MICOS10: variants seen among roughly 807,000 people sequenced by gnomAD.
MICOS10 encodes the protein mitochondrial contact site and cristae organizing system subunit 10, also known as MICOS complex subunit MIC10.
A neutral mutation model predicts 13.4 loss-of-function variants in MICOS10; 5 were observed. That is an observed-to-expected ratio of 0.37 (90% CI 0.20 to 0.78). The LOEUF is 0.78. Among genes scored for constraint, MICOS10 ranks in the 30% least tolerant of loss-of-function variants. The probability of loss-of-function intolerance (pLI) is 0.47; values close to 1 mark genes in which losing one functional copy is unlikely to be tolerated. For missense variants in MICOS10, 101 were observed against 94.6 expected (o/e 1.07, Z -0.28); for synonymous variants, 35 against 33.6 (o/e 1.04, Z -0.15).
In MICOS10 at chr1:19,597,042, G is replaced by A; in HGVS notation, c.-4G>A. The A allele has an allele frequency of 6.3e-7, 1 of 1,587,410 alleles. No individual in the cohort carries two copies. On this transcript the variant is annotated 5_prime_UTR_variant, in exon 1 of 4. Transcript: ENST00000322753. ...GAGGAAAGCTGGAGGCGCGGGTGGG[G>A]AACATGTCTGAGTCGGAGCTCGGCA...
chr1:19,617,136 T>A (rs996123781), intron 1 of MICOS10: 5 of 235,140 alleles, frequency 2.1e-5, no homozygotes. Flanking sequence ...CACACTCATT[T>A]AAAAGGACCC....
chr1:19,623,446 T>C, intron 2 of MICOS10, 28 bp from the exon 3 acceptor site: 1 of 1,412,518 alleles, frequency 7.1e-7, no homozygotes, highest in Middle Eastern at 2.5e-4. Context: ...TAATTCCCTA[T>C]TGGGATTTTC....
At chr1:19,608,978 G>T (rs925732304) in intron 1 of MICOS10, among the ~76,000 whole-genome samples, 1 of 141,172 alleles carries the variant, frequency 7.1e-6, no homozygotes, top group African/African-American at 2.6e-5. Flanking sequence ...TTTAAGATGT[G>T]AGCCACTTTT....
chr1:19,601,721 A>G (rs796094055), intron 1 of MICOS10, among the ~76,000 whole-genome samples: 3 of 152,302 alleles, frequency 2.0e-5, no homozygotes, highest in African/African-American at 4.8e-5. Context: ...GAACTGATAA[A>G]TTAAGCCCAT....
intron 1 of MICOS10, among the ~76,000 whole-genome samples, chr1:19,598,759 A>G (rs1297443420): frequency 1.3e-5 from 2 of 152,278 alleles, no homozygotes; most frequent in East Asian, 1.9e-4. Flanking sequence ...ATGGTGATCA[A>G]AAGAGATTTA....
intron 1 of MICOS10, among the ~76,000 whole-genome samples, chr1:19,613,178 G>A (rs970356284): frequency 8.5e-5 from 13 of 152,212 alleles, no homozygotes; most frequent in Non-Finnish European, 1.8e-4. Flanking sequence ...AGAAGGGTCT[G>A]AAGTCTGGAC....
At chr1:19,609,879 T>C (rs1240945470) in intron 1 of MICOS10, among the ~76,000 whole-genome samples, 1 of 152,232 alleles carries the variant, frequency 6.6e-6, no homozygotes, top group East Asian at 1.9e-4. Flanking sequence ...GCACGGTGGC[T>C]CATGCCTGTA....
chr1:19,597,178 G>A, intron 1 of MICOS10, 69 bp downstream of exon 1: 1 of 1,508,728 alleles, frequency 6.6e-7, no homozygotes, highest in Non-Finnish European at 9.0e-7. Flanking sequence ...CGCTGCCCAG[G>A]AGGAAGGAAG....
chr1:19,611,967 T>C (rs1162386084), intron 1 of MICOS10, among the ~76,000 whole-genome samples: 1 of 93,848 alleles, frequency 1.1e-5, no homozygotes, highest in Non-Finnish European at 1.9e-5. Context: ...TGAGGCTCCA[T>C]CTCAAAAAAA....
chr1:19,608,932 G>GCAATCCTCCTGC (rs1242811926), intron 1 of MICOS10, among the ~76,000 whole-genome samples: 1 of 142,932 alleles, frequency 7.0e-6, no homozygotes, highest in African/African-American at 2.5e-5. Context: ...CTGGCCTCAA[G>GCAATCCTCCTGC]CAATCCTCCT....
chr1:19,622,710 T>A (rs1157718892), intron 2 of MICOS10, among the ~76,000 whole-genome samples: 2 of 152,172 alleles, frequency 1.3e-5, no homozygotes, highest in African/African-American at 4.8e-5. Flanking sequence ...AATTAACACA[T>A]AGTGCTGATA....
intron 1 of MICOS10, among the ~76,000 whole-genome samples, chr1:19,616,311 T>C (rs2094884388): frequency 2.0e-5 from 3 of 152,318 alleles, no homozygotes; most frequent in Admixed American, 2.0e-4. Context: ...CCCCGATTCT[T>C]ATATTTAATT....
chr1:19,597,312 G>T (rs954881995), intron 1 of MICOS10, among the ~76,000 whole-genome samples: 3 of 152,236 alleles, frequency 2.0e-5, no homozygotes, highest in African/African-American at 4.8e-5. Flanking sequence ...CGGAGCAGCA[G>T]CCCGGGTGCG....
rs575521776 is a variant in MICOS10, at chr1:19,623,008, G to A, written c.113-466G>A. On this transcript the variant is annotated intron_variant, in intron 2 of 3. Coordinates refer to ENST00000322753, the MANE Select transcript of MICOS10 (RefSeq NM_001032363.4). ...GCGATCTCAGCTCACTGCAACCTCC[G>A]CCTCCCTGGTTCAAGCGATTCCCCT... 3.7e-4 allele frequency among the ~76,000 whole-genome samples: 52 copies of A among 142,106 alleles called. No homozygotes were observed. In the South Asian group the frequency reaches 7.9e-3, roughly 22 times the overall value. The allele number at this position is 142,106 out of a possible 152,430, so 93.2% of individuals were successfully genotyped here.
intron 1 of MICOS10, among the ~76,000 whole-genome samples, chr1:19,602,406 GAATGTAAATT>G (rs2094818565): frequency 6.6e-6 from 1 of 152,120 alleles, no homozygotes; most frequent in Non-Finnish European, 1.5e-5. Context: ...TTTCATCTGG[GAATGTAAATT>G]AACTGTCAGT....
At position 19,605,401 on chromosome 1, in the gene MICOS10, TC is replaced by T. The variant is rs2094830935; in HGVS notation, c.64+8294del. Among the ~76,000 whole-genome samples the T allele has an allele frequency of 8.5e-5, 13 of 152,262 alleles. No homozygotes were observed. The South Asian group carries it at 2.7e-3, about 32-fold the overall frequency. On this transcript the variant is annotated intron_variant, in intron 1 of 3. Transcript: ENST00000322753. ...CAAAAGAAACACTGGATGCAGCTGC[TC>T]CTATTCCCAAACTCTCACCCCAACC...
chr1:19,606,008 G>C (rs1172273690), intron 1 of MICOS10, among the ~76,000 whole-genome samples: 1 of 152,236 alleles, frequency 6.6e-6, no homozygotes, highest in African/African-American at 2.4e-5. Flanking sequence ...ATTTCAGAAA[G>C]ATCACTGATG....
At chr1:19,607,230 G>C (rs1239951614) in intron 1 of MICOS10, among the ~76,000 whole-genome samples, 1 of 152,198 alleles carries the variant, frequency 6.6e-6, no homozygotes, top group African/African-American at 2.4e-5. Context: ...ATTTGCGGCA[G>C]CAATGTGAAT....
chr1:19,617,682 T>G (rs1325751662), intron 1 of MICOS10, among the ~76,000 whole-genome samples: 2 of 152,234 alleles, frequency 1.3e-5, no homozygotes, highest in Admixed American at 6.5e-5. Flanking sequence ...ACATTCTTGT[T>G]TGTTCTGTCA....
Sources: allele counts gnomAD v4.1 joint callset (sites outside exome capture counted in the v4.1 genomes callset), GRCh38; gene constraint gnomAD v4.1.1; transcripts MANE v1.5; gene names NCBI Gene and HGNC (gene_info 2026-07-23, HGNC 2026-07-21).